ITGB3: variants seen among roughly 807,000 people sequenced by gnomAD.
ITGB3 encodes the protein integrin beta-3.
A neutral mutation model predicts 85.8 loss-of-function variants in ITGB3; 48 were observed. That is an observed-to-expected ratio of 0.56 (90% confidence interval 0.44 to 0.71). The LOEUF (loss-of-function observed/expected upper bound fraction) is 0.71, where lower values mean the gene tolerates loss of function less well. Ranked by LOEUF, ITGB3 falls within the 30% of genes least tolerant of loss-of-function variation. ITGB3 has a pLI of 0.00. For synonymous variants in ITGB3, 363 were observed against 395.6 expected (o/e 0.92, Z 0.98); for missense variants, 861 against 1,019.1 (o/e 0.84, Z 2.11).
At chr17:47,276,740 C>A (rs2065065231) in intron 2 of ITGB3, among the ~76,000 whole-genome samples, 1 of 152,160 alleles carries the variant, frequency 6.6e-6, no homozygotes, top group African/African-American at 2.4e-5. Context: ...TGGACTGTAA[C>A]CTGAACATAA....
At chr17:47,290,372 A>G in intron 8 of ITGB3, 98 bp downstream of exon 8, 2 of 991,836 alleles carry the variant, frequency 2.0e-6, no homozygotes, top group Non-Finnish European at 3.2e-6. Context: ...CCAGTCTACC[A>G]CACGGTCTTA....
In ITGB3 at chr17:47,266,749, T is replaced by A. The variant is rs190105125; in HGVS notation, c.80-7670T>A. Among the ~76,000 whole-genome samples, 6 of 152,176 alleles carry A rather than the reference T, an allele frequency of 3.9e-5. No individual in the cohort carries two copies. The East Asian group carries it at 1.2e-3, about 29-fold the overall frequency. On this transcript the variant is annotated intron_variant, in intron 1 of 14. Transcript: ENST00000559488. ...CATGCTACCATGCCCAGCTAATTTT[T>A]AAAAAAATTTTCATAGAGATGGGGG...
chr17:47,300,346 CGTGTGTGT>C (rs58012849), intron 11 of ITGB3, 124 bp from the exon 12 acceptor site: 40 of 619,732 alleles, frequency 6.5e-5, no homozygotes, highest in South Asian at 2.5e-4. Flanking sequence ...CGCGCGCGCG[CGTGTGTGT>C]GTGTGTGTGT....
intron 2 of ITGB3, among the ~76,000 whole-genome samples, chr17:47,277,272 T>G (rs2065067322): frequency 6.6e-6 from 1 of 152,198 alleles, no homozygotes; most frequent in South Asian, 2.1e-4. Flanking sequence ...GAGAATTGCC[T>G]GAGGTGCTTG....
At chr17:47,283,085 T>G (rs1351131392) in intron 2 of ITGB3, among the ~76,000 whole-genome samples, 1 of 151,990 alleles carries the variant, frequency 6.6e-6, no homozygotes, top group Admixed American at 6.6e-5. Flanking sequence ...TTTTTTTTTT[T>G]TGGTAGAGAC....
chr17:47,291,559 G>T, intron 9 of ITGB3: 1 of 276,340 alleles, frequency 3.6e-6, no homozygotes, highest in South Asian at 5.4e-5. Flanking sequence ...AGGGGTTGGT[G>T]GGAGGGGAGG....
chr17:47,280,667 CT>C (rs1272293443), intron 2 of ITGB3, among the ~76,000 whole-genome samples: 2 of 152,112 alleles, frequency 1.3e-5, no homozygotes, highest in African/African-American at 4.8e-5. Context: ...GGTTACAGGG[CT>C]TTTGAGTATG....
intron 9 of ITGB3, 50 bp downstream of exon 9, chr17:47,291,138 AACCCCCTT>A (rs1332330448): frequency 6.2e-7 from 1 of 1,612,206 alleles, no homozygotes; most frequent in East Asian, 2.2e-5. Flanking sequence ...GTGGGCACCC[AACCCCCTT>A]TCTTCCTTTT....
At chr17:47,254,419 C>T (rs979327587) in intron 1 of ITGB3, among the ~76,000 whole-genome samples, 1 of 152,222 alleles carries the variant, frequency 6.6e-6, no homozygotes, top group Non-Finnish European at 1.5e-5. Flanking sequence ...AGTTTCCCCA[C>T]ATTTCCAATT....
chr17:47,310,010 TTC>T (rs2065207018), intron 14 of ITGB3, 127 bp from the exon 15 acceptor site: 1 of 774,536 alleles, frequency 1.3e-6, no homozygotes, highest in African/African-American at 1.7e-5. Context: ...ATGAACATTA[TTC>T]TGTTTCATTG....
chr17:47,259,960 A>ATCATT (rs2065003470), intron 1 of ITGB3, among the ~76,000 whole-genome samples: 1 of 152,230 alleles, frequency 6.6e-6, no homozygotes, highest in Non-Finnish European at 1.5e-5. Flanking sequence ...TCCACATAGG[A>ATCATT]TCATTGTCAG....
intron 1 of ITGB3, among the ~76,000 whole-genome samples, chr17:47,269,967 A>G (rs962858370): frequency 6.6e-6 from 1 of 152,368 alleles, no homozygotes; most frequent in African/African-American, 2.4e-5. Context: ...TCATGGTGGA[A>G]GGGGAAGCAA....
intron 1 of ITGB3, among the ~76,000 whole-genome samples, chr17:47,272,522 C>G (rs1052287096): frequency 6.6e-6 from 1 of 151,886 alleles, no homozygotes; most frequent in Admixed American, 6.6e-5. Flanking sequence ...GTAAAATATC[C>G]TGATTAATAG....
In ITGB3 at chr17:47,292,365, A is replaced by G. The variant is rs1219323655; in HGVS notation, c.1487A>G (p.Gln496Arg). The G allele has an allele frequency of 2.5e-6, 4 of 1,614,088 alleles. No individual in the cohort carries two copies. The highest frequency in any genetic ancestry group is 3.4e-6 in the Non-Finnish European group (4 of 1,180,038). The part of the protein sequence containing the change: ...CRCGPGWLGS[Q>R]CECSEEDYRP... ...TGTGGGCCTGGCTGGCTGGGATCCCAGTGTGAGTGCTCAGAGGAGGACTAT... is the reference window on the plus strand; with the variant it reads ...TGTGGGCCTGGCTGGCTGGGATCCCGGTGTGAGTGCTCAGAGGAGGACTAT... The change falls in exon 10 of 15, where the codon CAG (glutamine) becomes CGG (arginine). Residue 496 changes from glutamine (Q) to arginine (R), a missense_variant. Transcript: ENST00000559488.
intron 14 of ITGB3, among the ~76,000 whole-genome samples, chr17:47,307,855 C>A (rs1181068493): frequency 6.6e-6 from 1 of 152,144 alleles, no homozygotes; most frequent in African/African-American, 2.4e-5. Flanking sequence ...TCATTCTCTT[C>A]TTTCTCCTCA....
chr17:47,286,978 C>A, intron 5 of ITGB3, 92 bp from the exon 6 acceptor site: 1 of 1,351,160 alleles, frequency 7.4e-7, no homozygotes, highest in Non-Finnish European at 1.0e-6. Context: ...AGCCCTTTAG[C>A]CAGGGAGCAC....
chr17:47,299,417 G>C lies in ITGB3; in HGVS notation c.1800G>C (p.Leu600=). ...CCTGCATGTCCAGCAATGGGCTGCTGTGCAGCGGCCGCGGCAAGTGTGAAT... is the reference window on the plus strand; with the variant it reads ...CCTGCATGTCCAGCAATGGGCTGCTCTGCAGCGGCCGCGGCAAGTGTGAAT... ...TDTCMSSNGL[L]CSGRGKCECG... The change falls in exon 11 of 15, where the codon CTG becomes CTC. Residue 600 remains leucine, a synonymous_variant. Transcript: ENST00000559488. The surrounding 1 kb of genome is among the most constrained non-coding windows in gnomAD (Gnocchi z 5.1). The C allele has an allele frequency of 6.2e-7, 1 of 1,614,278 alleles. No homozygotes were observed. Among genetic ancestry groups the C allele is most frequent in the Non-Finnish European group, 8.5e-7 (1 of 1,180,050 alleles).
chr17:47,307,702 A>C (rs2065194449), intron 14 of ITGB3, 65 bp downstream of exon 14: 4 of 1,505,648 alleles, frequency 2.7e-6, no homozygotes, highest in Non-Finnish European at 3.7e-6. Context: ...GAAGCAGCAG[A>C]TGCTTTGGGT....
At chr17:47,282,840 A>G (rs905501708) in intron 2 of ITGB3, among the ~76,000 whole-genome samples, 10 of 152,262 alleles carry the variant, frequency 6.6e-5, no homozygotes, top group African/African-American at 2.4e-4. Context: ...AGAATTTCAC[A>G]AAACAACCCT....
Sources: gnomAD v4.1 joint callset for allele counts (sites outside exome capture counted in the v4.1 genomes callset) on GRCh38, gnomAD v4.1.1 for gene constraint, Gnocchi (gnomAD v3.1) non-coding constraint, MANE v1.5 for transcripts, NCBI Gene and HGNC (gene_info 2026-07-23, HGNC 2026-07-21) for gene names.